The following WDR26 variants were observed in gnomAD, a reference collection of about 807,000 sequenced individuals.
WDR26 encodes WD repeat-containing protein 26.
WDR26 carries 5 observed loss-of-function variants against 84.1 expected under a neutral mutation model. The ratio of observed to expected loss-of-function variants is 0.06; its 90% confidence interval spans 0.03 to 0.13. The LOEUF is 0.13. Among genes scored for constraint, WDR26 ranks in the 10% least tolerant of loss-of-function variants. The pLI is 1.00. For synonymous variants in WDR26, 415 were observed against 389.6 expected (o/e 1.07, Z -0.77); for missense variants, 642 against 974.9 (o/e 0.66, Z 4.55).
chr1:224,432,176 G>A (rs970549624), intron 1 of WDR26, among the ~76,000 whole-genome samples: 6 of 152,202 alleles, frequency 3.9e-5, no homozygotes, highest in Non-Finnish European at 8.8e-5. Flanking sequence ...AGAGATGACC[G>A]TATCAGTTAA....
chr1:224,403,432 A>G (rs1327520381), intron 8 of WDR26, among the ~76,000 whole-genome samples: 1 of 152,244 alleles, frequency 6.6e-6, no homozygotes, highest in African/African-American at 2.4e-5. Context: ...TGGTGGGCAC[A>G]TAGATCATCA....
chr1:224,411,297 G>C, intron 7 of WDR26, 130 bp downstream of exon 7: 1 of 986,670 alleles, frequency 1.0e-6, no homozygotes, highest in Non-Finnish European at 1.4e-6. Context: ...ACATGAAGAT[G>C]TAAAAATGAT....
intron 5 of WDR26, 107 bp downstream of exon 5, chr1:224,419,411 T>G: frequency 2.3e-6 from 2 of 868,132 alleles, no homozygotes; most frequent in South Asian, 2.9e-5. Flanking sequence ...TTCTAAGCAC[T>G]CAATAAAAGT....
chr1:224,429,251 A>G (rs1674317055), intron 3 of WDR26: 1 of 151,114 alleles, frequency 6.6e-6, no homozygotes, highest in Non-Finnish European at 1.5e-5. Flanking sequence ...ACAGAGCGAG[A>G]CTCCATCTCA....
chr1:224,421,992 G>A (rs1674077787), intron 4 of WDR26, among the ~76,000 whole-genome samples: 1 of 151,902 alleles, frequency 6.6e-6, no homozygotes, highest in Non-Finnish European at 1.5e-5. Flanking sequence ...TTACAAACTC[G>A]TGTGTCACAT....
chr1:224,418,589 A>G (rs1673972600), intron 5 of WDR26, among the ~76,000 whole-genome samples, 173 bp from the exon 6 acceptor site: 1 of 152,238 alleles, frequency 6.6e-6, no homozygotes. Context: ...GTCAGCAGCA[A>G]TAGCTATGCT....
chr1:224,386,162 T>C lies in WDR26; in HGVS notation c.*3673A>G, dbSNP rs901179274. The C allele has an allele frequency of 2.0e-5, 3 of 152,620 alleles. No individual in the cohort carries two copies. The highest frequency in any genetic ancestry group is 4.8e-5 in the African/African-American group (2 of 41,454). 9.5% of individuals were successfully genotyped at this position (152,620 alleles called of 1,614,324 possible). A position where few individuals can be genotyped will look rare whatever the true frequency, so the allele number is the denominator to read the frequency against. On this transcript the variant is annotated 3_prime_UTR_variant, in exon 14 of 14. Coordinates refer to ENST00000414423, the MANE Select transcript of WDR26 (RefSeq NM_001379403.1). ...ACCCTGTTTTTAGAAAGTGTCTAAG[T>C]GTAAATGCAAATTCACCTCTTCTTA...
intron 12 of WDR26, among the ~76,000 whole-genome samples, chr1:224,396,565 A>C (rs182246152): frequency 1.3e-5 from 2 of 152,394 alleles, no homozygotes; most frequent in Admixed American, 6.5e-5. Flanking sequence ...GGAAAAAACT[A>C]AATTTCCTGA....
chr1:224,430,164 A>G (rs1674350676), intron 3 of WDR26: 1 of 152,134 alleles, frequency 6.6e-6, no homozygotes, highest in Non-Finnish European at 1.5e-5. Flanking sequence ...AACCCCAAAC[A>G]CACCAACTGA....
chr1:224,396,929 T>C (rs1308940861), intron 12 of WDR26, among the ~76,000 whole-genome samples: 2 of 152,146 alleles, frequency 1.3e-5, no homozygotes, highest in Non-Finnish European at 2.9e-5. Flanking sequence ...AAGGAATAGA[T>C]GAATTTATAT....
chr1:224,392,368 GA>G (rs1673153148), intron 13 of WDR26, among the ~76,000 whole-genome samples: 1 of 150,736 alleles, frequency 6.6e-6, no homozygotes, highest in Non-Finnish European at 1.5e-5. Flanking sequence ...AAAAAAAAAA[GA>G]AAAGAAAACA....
intron 13 of WDR26, among the ~76,000 whole-genome samples, chr1:224,390,818 T>G (rs1449369525): frequency 6.6e-6 from 1 of 152,066 alleles, no homozygotes; most frequent in African/African-American, 2.4e-5. Context: ...GTAAAATCAA[T>G]GGTTTTTAGT....
chr1:224,409,278 A>G (rs1193100957), intron 7 of WDR26, among the ~76,000 whole-genome samples: 1 of 152,246 alleles, frequency 6.6e-6, no homozygotes, highest in Non-Finnish European at 1.5e-5. Context: ...AAATAAAAAT[A>G]AAAAATGTTT....
At chr1:224,405,312 T>A (rs1389271724) in intron 7 of WDR26, among the ~76,000 whole-genome samples, 1 of 152,240 alleles carries the variant, frequency 6.6e-6, no homozygotes, top group Non-Finnish European at 1.5e-5. Context: ...ATTTTGTTTA[T>A]CCATTCATGA....
At chr1:224,391,793 G>A (rs1156277707) in intron 13 of WDR26, among the ~76,000 whole-genome samples, 2 of 152,112 alleles carry the variant, frequency 1.3e-5, no homozygotes, top group African/African-American at 4.8e-5. Flanking sequence ...AGTGTTTTGG[G>A]GGTGGAGGGG....
chr1:224,433,917 G>A lies in WDR26; in HGVS notation c.489C>T (p.Ala163=), dbSNP rs954251645. 7 of 1,536,530 alleles carry A rather than the reference G, an allele frequency of 4.6e-6. No homozygotes were observed. The highest frequency in any genetic ancestry group is 2.4e-5 in the East Asian group (1 of 40,888). Residue 163 remains alanine (A), a synonymous_variant, in exon 1 of 14, where the codon GCC becomes GCT. Coordinates refer to ENST00000414423, the MANE Select transcript of WDR26 (RefSeq NM_001379403.1). The stretch of plus-strand genomic sequence containing the variant: ...TGCTATTGTTGCTGGCGGCGGAGGG[G>A]GCGGAAGGCAGGAGCCCATTGGCGT...
At chr1:224,404,054 G>A (rs977357507) in intron 8 of WDR26, among the ~76,000 whole-genome samples, 9 of 152,188 alleles carry the variant, frequency 5.9e-5, no homozygotes, top group African/African-American at 2.2e-4. Flanking sequence ...AGGAGATGGT[G>A]CAACTGCCAT....
intron 12 of WDR26, among the ~76,000 whole-genome samples, chr1:224,394,864 T>C (rs554358978): frequency 6.6e-6 from 1 of 152,280 alleles, no homozygotes; most frequent in African/African-American, 2.4e-5. Flanking sequence ...TAACAGCTAG[T>C]AAATGGTAAA....
intron 13 of WDR26, 38 bp from the exon 14 acceptor site, chr1:224,389,898 GGGGGAGGGAAGA>G: frequency 7.9e-7 from 1 of 1,271,146 alleles, no homozygotes; most frequent in Non-Finnish European, 1.1e-6. Flanking sequence ...GGGGGCGGGC[GGGGGAGGGAAGA>G]GGGGAAGGAG....
Sources: allele counts gnomAD v4.1 joint callset (sites outside exome capture counted in the v4.1 genomes callset), GRCh38; gene constraint gnomAD v4.1.1; transcripts MANE v1.5; gene names NCBI Gene and HGNC (gene_info 2026-07-23, HGNC 2026-07-21).